The following GINM1 variants were observed in gnomAD, a reference collection of about 807,000 sequenced individuals.
GINM1 encodes glycosylated integral membrane protein 1.
Under a neutral mutation model 37.8 loss-of-function variants are expected in GINM1, and 29 were observed. That is an observed-to-expected ratio of 0.77 (90% confidence interval 0.57 to 1.05). The LOEUF (loss-of-function observed/expected upper bound fraction) is 1.05, where lower values mean the gene tolerates loss of function less well. Among genes scored for constraint, GINM1 ranks in the 50% least tolerant of loss-of-function variants. The pLI is 0.00. For synonymous variants in GINM1, 143 were observed against 146.2 expected, an observed-to-expected ratio of 0.98 and a Z score of 0.16; for missense variants, 377 against 397.9, an observed-to-expected ratio of 0.95 and a Z score of 0.45.
chr6:149,583,056 C>T (rs767280401), intron 7 of GINM1, among the ~76,000 whole-genome samples: 1 of 152,020 alleles, frequency 6.6e-6, no homozygotes, highest in South Asian at 2.1e-4. Context: ...AGGCTGGGCA[C>T]GGTGGCTCAT....
intron 3 of GINM1, among the ~76,000 whole-genome samples, chr6:149,573,578 C>T (rs751526808): frequency 1.6e-4 from 25 of 152,028 alleles, no homozygotes; most frequent in Admixed American, 4.6e-4. Context: ...AAGTAGATAA[C>T]GATGTAAGAA....
rs779837750 is a variant in GINM1 at position 149,566,509 on chromosome 6, C to T, written c.95C>T (p.Pro32Leu). ...SGWLTTGAPE[P>L]PPLSGAPQDG... The stretch of plus-strand genomic sequence containing the variant: ...TGGCTGACGACGGGCGCCCCCGAGC[C>T]GCCGCCGCTGTCCGGAGCCCCACAG... Residue 32 changes from proline to leucine, a missense_variant, in exon 1 of 8, where the codon CCG (proline) becomes CTG (leucine). Coordinates refer to ENST00000367419, the MANE Select transcript of GINM1 (RefSeq NM_138785.5). The surrounding 1 kb of genome is among the most constrained non-coding windows in gnomAD (Gnocchi z 4.4). The T allele has an allele frequency of 3.9e-6, 6 of 1,532,010 alleles. No individual in the cohort carries two copies. Among genetic ancestry groups the T allele is most frequent in the Non-Finnish European group, 4.4e-6 (5 of 1,148,298 alleles). The allele number at this position is 1,532,010 out of a possible 1,614,324, so 94.9% of individuals were successfully genotyped here. A position where few individuals can be genotyped will look rare whatever the true frequency, so the allele number is the denominator to read the frequency against.
intron 1 of GINM1, among the ~76,000 whole-genome samples, chr6:149,567,619 T>C (rs956107967): frequency 6.6e-6 from 1 of 152,234 alleles, no homozygotes. Flanking sequence ...CCAGCCTGGG[T>C]GAGGGAGCTC....
intron 6 of GINM1, 59 bp downstream of exon 6, chr6:149,580,782 C>G: frequency 6.7e-7 from 1 of 1,485,114 alleles, no homozygotes; most frequent in Non-Finnish European, 9.3e-7. Context: ...GAAAATCGAC[C>G]CTAGCATTTA....
At chr6:149,587,433 C>A (rs191348798) in intron 7 of GINM1, among the ~76,000 whole-genome samples, 2 of 152,290 alleles carry the variant, frequency 1.3e-5, no homozygotes, top group East Asian at 3.9e-4. Flanking sequence ...ATGTGTGATT[C>A]TGACCAGCTG....
chr6:149,588,160 T>C (rs1353806849), intron 7 of GINM1, among the ~76,000 whole-genome samples: 2 of 152,248 alleles, frequency 1.3e-5, no homozygotes, highest in African/African-American at 4.8e-5. Context: ...GTAAAATTAC[T>C]GTGTCACAAG....
intron 7 of GINM1, among the ~76,000 whole-genome samples, chr6:149,584,817 A>G (rs1286748803): frequency 1.3e-5 from 2 of 149,104 alleles, no homozygotes; most frequent in Non-Finnish European, 3.0e-5. Flanking sequence ...TTATAAATGT[A>G]TATATATATA....
intron 1 of GINM1, among the ~76,000 whole-genome samples, chr6:149,570,193 T>A (rs1458300867): frequency 3.0e-5 from 3 of 98,624 alleles, no homozygotes; most frequent in South Asian, 3.5e-4. Flanking sequence ...TATATATATA[T>A]ATATAAAGTT....
chr6:149,586,574 T>C (rs564003982), intron 7 of GINM1, among the ~76,000 whole-genome samples: 1 of 152,316 alleles, frequency 6.6e-6, no homozygotes, highest in Non-Finnish European at 1.5e-5. Flanking sequence ...TGAAGTAACC[T>C]CAAGGTAATA....
chr6:149,577,841 C>G (rs934274762), intron 3 of GINM1, among the ~76,000 whole-genome samples: 3 of 152,192 alleles, frequency 2.0e-5, no homozygotes, highest in Non-Finnish European at 2.9e-5. Flanking sequence ...GATAGCACTT[C>G]TACCTTAATA....
chr6:149,578,671 C>A, intron 3 of GINM1, 151 bp from the exon 4 acceptor site: 1 of 512,232 alleles, frequency 2.0e-6, no homozygotes, highest in Non-Finnish European at 3.4e-6. Context: ...TTTAATAAAT[C>A]TGAAACAGCA....
intron 3 of GINM1, among the ~76,000 whole-genome samples, chr6:149,573,676 G>A (rs1190347187): frequency 6.6e-6 from 1 of 151,976 alleles, no homozygotes; most frequent in Admixed American, 6.6e-5. Context: ...AGACCAGCCC[G>A]GGCAACATGG....
At chr6:149,578,634 A>G (rs1484666833) in intron 3 of GINM1, among the ~76,000 whole-genome samples, 188 bp from the exon 4 acceptor site, 1 of 152,084 alleles carries the variant, frequency 6.6e-6, no homozygotes, top group Non-Finnish European at 1.5e-5. Flanking sequence ...GTAAGCAGTC[A>G]TAAAGATTTG....
At position 149,591,408 on chromosome 6, in the gene GINM1, GAAA is replaced by G. The variant is rs904018465; in HGVS notation, c.*578_*580del. On this transcript the variant is annotated 3_prime_UTR_variant, in exon 8 of 8. Transcript: ENST00000367419. ...TGAAGAGACTTTGAAATTATCAAAAGAAAAAAAAAAGACCAGACAAAATCTCAT... is the reference window on the plus strand; with the variant it reads ...TGAAGAGACTTTGAAATTATCAAAAGAAAAAAAGACCAGACAAAATCTCAT... 6.9e-6 allele frequency: 1 copy of G among 145,750 alleles called. No individual in the cohort carries two copies. The highest frequency in any genetic ancestry group is 1.5e-5 in the Non-Finnish European group (1 of 65,994). The allele number at this position is 145,750 out of a possible 1,614,324, so 9.0% of individuals were successfully genotyped here.
At chr6:149,570,186 AT>A (rs1562269823) in intron 1 of GINM1, among the ~76,000 whole-genome samples, 69 of 95,260 alleles carry the variant, frequency 7.2e-4, no homozygotes, top group Non-Finnish European at 1.1e-3. Context: ...ATATATATAT[AT>A]ATATATATAT....
intron 7 of GINM1, among the ~76,000 whole-genome samples, chr6:149,588,795 T>TTTG (rs535417334): frequency 9.7e-4 from 146 of 150,958 alleles, no homozygotes; most frequent in Non-Finnish European, 1.3e-3. Flanking sequence ...GCCTGGCTAA[T>TTTG]TTGTTGTTGT....
At chr6:149,572,383 A>C (rs376583953) in intron 2 of GINM1, 39 bp downstream of exon 2, 12 of 1,409,530 alleles carry the variant, frequency 8.5e-6, no homozygotes, top group Non-Finnish European at 1.1e-5. Context: ...TAATTTAGCT[A>C]AGTGCTATGC....
At chr6:149,579,806 T>C (rs372903310) in intron 4 of GINM1, 28 bp from the exon 5 acceptor site, 3 of 1,435,172 alleles carry the variant, frequency 2.1e-6, no homozygotes, top group Non-Finnish European at 1.9e-6. Flanking sequence ...CTATTTAAAA[T>C]AAAGAATAAT....
At chr6:149,574,961 T>G (rs1777892044) in intron 3 of GINM1, among the ~76,000 whole-genome samples, 1 of 152,240 alleles carries the variant, frequency 6.6e-6, no homozygotes, top group Non-Finnish European at 1.5e-5. Flanking sequence ...ATTCCATTTA[T>G]TCCCTTTTTG....
Sources: gnomAD v4.1 joint callset for allele counts (sites outside exome capture counted in the v4.1 genomes callset) on GRCh38, gnomAD v4.1.1 for gene constraint, Gnocchi (gnomAD v3.1) non-coding constraint, MANE v1.5 for transcripts, NCBI Gene and HGNC (gene_info 2026-07-23, HGNC 2026-07-21) for gene names.